Variants in NPFFR2 observed in about 807,000 individuals in gnomAD.
NPFFR2 encodes neuropeptide FF receptor 2.
Under a neutral mutation model 13.1 loss-of-function variants are expected in NPFFR2, and 15 were observed. The ratio of observed to expected loss-of-function variants is 1.15; its 90% CI spans 0.77 to 1.76. The LOEUF (loss-of-function observed/expected upper bound fraction) is 1.76. NPFFR2 is among the 40% of genes most tolerant of loss of function. The pLI is 0.00. For synonymous variants in NPFFR2, 190 were observed against 175.7 expected (o/e 1.08, Z -0.65); for missense variants, 572 against 503.5 (o/e 1.14, Z -1.30).
intron 1 of NPFFR2, among the ~76,000 whole-genome samples, chr4:72,092,413 C>T (rs546597234): frequency 1.3e-5 from 2 of 152,130 alleles, no homozygotes; most frequent in East Asian, 1.9e-4. Context: ...TCTTGATGAC[C>T]TGTCTAGTCC....
chr4:72,134,270 TAAAAAA>T lies in NPFFR2; in HGVS notation c.329-3769_329-3764del, dbSNP rs1197157684. The stretch of plus-strand genomic sequence containing the variant: ...CAGAGAGAGAGACTGTCTCCAAAAA[TAAAAAA>T]TAAAAATTACCCATCTTTAGCTCTT... On this transcript the variant is annotated intron_variant, in intron 2 of 3. Transcript: ENST00000308744. Among the ~76,000 whole-genome samples the T allele has an allele frequency of 1.4e-4, 22 of 152,100 alleles. No homozygotes were observed. In the East Asian group the frequency reaches 4.3e-3, roughly 29 times the overall value.
At chr4:72,143,198 A>C (rs141550511) in intron 3 of NPFFR2, among the ~76,000 whole-genome samples, 1 of 152,200 alleles carries the variant, frequency 6.6e-6, no homozygotes, top group Non-Finnish European at 1.5e-5. Flanking sequence ...GTGAAGTGGT[A>C]CATTTGTCCA....
chr4:72,114,566 T>G (rs533738872), intron 1 of NPFFR2, among the ~76,000 whole-genome samples: 3 of 152,278 alleles, frequency 2.0e-5, no homozygotes, highest in South Asian at 2.1e-4. Context: ...CGTTCTTTGT[T>G]TATATTAATT....
At chr4:72,084,065 G>A (rs1210104995) in intron 1 of NPFFR2, among the ~76,000 whole-genome samples, 1 of 152,114 alleles carries the variant, frequency 6.6e-6, no homozygotes, top group Non-Finnish European at 1.5e-5. Flanking sequence ...CATCTTCCAT[G>A]TAAACTACTA....
chr4:72,122,703 A>G (rs913901352), intron 1 of NPFFR2, among the ~76,000 whole-genome samples: 5 of 152,238 alleles, frequency 3.3e-5, no homozygotes, highest in Admixed American at 6.5e-5. Flanking sequence ...TTTGAAACCA[A>G]TGAGAACAAA....
At chr4:72,122,969 T>C (rs1005551766) in intron 1 of NPFFR2, among the ~76,000 whole-genome samples, 1 of 152,078 alleles carries the variant, frequency 6.6e-6, no homozygotes, top group Non-Finnish European at 1.5e-5. Flanking sequence ...CAGGAGCTGG[T>C]TTTTTTGAAA....
chr4:72,078,638 A>G (rs1720510864), intron 1 of NPFFR2, among the ~76,000 whole-genome samples: 1 of 152,124 alleles, frequency 6.6e-6, no homozygotes. Context: ...AGAAGGAATT[A>G]CTCTACCTGC....
intron 1 of NPFFR2, among the ~76,000 whole-genome samples, chr4:72,077,395 T>G (rs1301027176): frequency 1.3e-5 from 2 of 152,132 alleles, no homozygotes; most frequent in Non-Finnish European, 2.9e-5. Context: ...CCAAATCTAA[T>G]GAAAGGTTGA....
intron 1 of NPFFR2, among the ~76,000 whole-genome samples, chr4:72,103,512 T>A (rs533158133): frequency 6.6e-6 from 1 of 152,146 alleles, no homozygotes; most frequent in African/African-American, 2.4e-5. Flanking sequence ...TTTTACTCGG[T>A]TTCAGGCATT....
At chr4:72,143,470 T>C (rs187147227) in intron 3 of NPFFR2, among the ~76,000 whole-genome samples, 98 of 152,310 alleles carry the variant, frequency 6.4e-4, no homozygotes, top group African/African-American at 2.3e-3. Flanking sequence ...CTCCTTCCTC[T>C]ACTTCTTGTT....
At chr4:72,058,556 C>T (rs927862041) in intron 1 of NPFFR2, among the ~76,000 whole-genome samples, 7 of 151,950 alleles carry the variant, frequency 4.6e-5, no homozygotes, top group Non-Finnish European at 1.0e-4. Flanking sequence ...TCTGAAGCAG[C>T]AGTGAATATT....
intron 1 of NPFFR2, among the ~76,000 whole-genome samples, chr4:72,059,391 G>A (rs1028157722): frequency 5.3e-5 from 8 of 152,072 alleles, no homozygotes; most frequent in African/African-American, 1.9e-4. Flanking sequence ...AAACATATTT[G>A]TCAGACTAAG....
At chr4:72,077,312 T>C (rs919062671) in intron 1 of NPFFR2, among the ~76,000 whole-genome samples, 3 of 152,162 alleles carry the variant, frequency 2.0e-5, no homozygotes, top group Non-Finnish European at 4.4e-5. Context: ...TAATATTTTA[T>C]GAAAGTACTA....
At chr4:72,099,432 G>A (rs952283857) in intron 1 of NPFFR2, among the ~76,000 whole-genome samples, 1 of 152,106 alleles carries the variant, frequency 6.6e-6, no homozygotes, top group African/African-American at 2.4e-5. Context: ...AAAGAAAAAA[G>A]ATTTAATTGG....
At chr4:72,033,315 G>A (rs1316172572) in intron 1 of NPFFR2, among the ~76,000 whole-genome samples, 1 of 152,136 alleles carries the variant, frequency 6.6e-6, no homozygotes, top group Non-Finnish European at 1.5e-5. Flanking sequence ...TTCAATTAGA[G>A]TCTTTCATCT....
chr4:72,098,103 C>T (rs964642623), intron 1 of NPFFR2, among the ~76,000 whole-genome samples: 1 of 152,140 alleles, frequency 6.6e-6, no homozygotes, highest in African/African-American at 2.4e-5. Context: ...ACAGTGCCAA[C>T]ATAAAGTAAG....
chr4:72,082,803 C>T (rs1300974903), intron 1 of NPFFR2, among the ~76,000 whole-genome samples: 1 of 152,126 alleles, frequency 6.6e-6, no homozygotes, highest in Non-Finnish European at 1.5e-5. Context: ...AACATCTCCC[C>T]ATTCCACCTG....
chr4:72,060,918 T>C (rs4571299), intron 1 of NPFFR2, among the ~76,000 whole-genome samples: 135,703 of 152,186 alleles, frequency 0.89, 61,601 homozygotes, highest in Non-Finnish European at 0.98. Context: ...ATTACAAATA[T>C]CACATTTTTC....
intron 1 of NPFFR2, among the ~76,000 whole-genome samples, chr4:72,076,864 G>A (rs552421207): frequency 1.3e-5 from 2 of 152,244 alleles, no homozygotes; most frequent in African/African-American, 4.8e-5. Flanking sequence ...ATCATGAAAA[G>A]TAATTAAAGA....
Sources: gnomAD v4.1 joint callset for allele counts (sites outside exome capture counted in the v4.1 genomes callset) on GRCh38, gnomAD v4.1.1 for gene constraint, MANE v1.5 for transcripts, NCBI Gene and HGNC (gene_info 2026-07-23, HGNC 2026-07-21) for gene names.